Variants in GPC5 observed in about 807,000 individuals in gnomAD.
The protein encoded by GPC5 is glypican-5.
GPC5 carries 47 observed loss-of-function variants against 53.9 expected under a neutral mutation model. The ratio of observed to expected loss-of-function variants is 0.87; its 90% CI spans 0.69 to 1.11. The LOEUF is 1.11. Among genes scored for constraint, GPC5 ranks in the 50% most tolerant of loss-of-function variants. The pLI, the probability that GPC5 is intolerant of heterozygous loss-of-function variation, is 0.00. For missense variants in GPC5, 748 were observed against 713.1 expected (o/e 1.05, Z -0.56); for synonymous variants, 286 against 263.3 (o/e 1.09, Z -0.84).
chr13:92,474,603 G>A (rs1879032931), intron 7 of GPC5, among the ~76,000 whole-genome samples: 1 of 149,980 alleles, frequency 6.7e-6, no homozygotes, highest in Admixed American at 6.7e-5. Flanking sequence ...TAATTTTTCA[G>A]ACAAAGAATT....
At chr13:92,164,841 T>C (rs2042015831) in intron 7 of GPC5, among the ~76,000 whole-genome samples, 1 of 152,230 alleles carries the variant, frequency 6.6e-6, no homozygotes, top group South Asian at 2.1e-4. Context: ...GTACATCCTC[T>C]GAAATCTAGA....
intron 6 of GPC5, among the ~76,000 whole-genome samples, chr13:92,002,436 G>A (rs2138755691): frequency 6.6e-6 from 1 of 152,204 alleles, no homozygotes; most frequent in African/African-American, 2.4e-5. Flanking sequence ...TCCAAGAACT[G>A]GGCAGGAGTC....
intron 6 of GPC5, among the ~76,000 whole-genome samples, chr13:92,032,342 G>T (rs920536421): frequency 6.6e-6 from 1 of 151,230 alleles, no homozygotes; most frequent in Non-Finnish European, 1.5e-5. Flanking sequence ...AGTGTGTACT[G>T]CTTGGGTGAT....
In GPC5 at chr13:92,555,315, G is replaced by A. The variant is rs188416339; in HGVS notation, c.1562-310967G>A. ...AATAGGGTTTATCTCAGGAAAGCAA[G>A]CAATGATGGACTTTAGAAATCCTCG... On this transcript the variant is annotated intron_variant, in intron 7 of 7. Transcript: ENST00000377067. Among the ~76,000 whole-genome samples, 191 of 151,370 alleles carry A rather than the reference G, an allele frequency of 1.3e-3. 1 individual carries two copies. Among genetic ancestry groups the A allele is most frequent in the African/African-American group, 4.5e-3 (186 of 41,408 alleles).
chr13:92,228,826 G>C (rs1250081765), intron 7 of GPC5, among the ~76,000 whole-genome samples: 1 of 152,040 alleles, frequency 6.6e-6, no homozygotes, highest in East Asian at 1.9e-4. Flanking sequence ...AACCAAGCAT[G>C]GTCCCAGGAT....
At chr13:91,934,720 G>C (rs1383218919) in intron 6 of GPC5, among the ~76,000 whole-genome samples, 1 of 151,884 alleles carries the variant, frequency 6.6e-6, no homozygotes, top group Admixed American at 6.6e-5. Flanking sequence ...TCCTTTACTA[G>C]GAATAATAAA....
intron 7 of GPC5, among the ~76,000 whole-genome samples, chr13:92,713,273 T>C (rs1249548847): frequency 6.6e-6 from 1 of 151,780 alleles, no homozygotes; most frequent in African/African-American, 2.4e-5. Context: ...GAAGAAGATA[T>C]ATCAATGGCA....
intron 6 of GPC5, among the ~76,000 whole-genome samples, chr13:92,134,668 A>T (rs2041769761): frequency 6.6e-6 from 1 of 152,178 alleles, no homozygotes; most frequent in Admixed American, 6.5e-5. Flanking sequence ...TACCTGGGTC[A>T]GTTACAAGTT....
intron 6 of GPC5, among the ~76,000 whole-genome samples, chr13:92,110,337 C>T (rs1309440961): frequency 6.6e-6 from 1 of 152,088 alleles, no homozygotes; most frequent in Non-Finnish European, 1.5e-5. Context: ...AATGCAAGAC[C>T]TTATTAACTA....
At chr13:92,700,182 G>C (rs1038448150) in intron 7 of GPC5, among the ~76,000 whole-genome samples, 3 of 151,298 alleles carry the variant, frequency 2.0e-5, no homozygotes, top group African/African-American at 7.3e-5. Context: ...ATTATGTAAT[G>C]CCCTTATTTG....
intron 2 of GPC5, among the ~76,000 whole-genome samples, chr13:91,555,889 G>A (rs756323976): frequency 1.1e-4 from 16 of 151,992 alleles, no homozygotes; most frequent in South Asian, 2.1e-4. Flanking sequence ...AACCGCCCCC[G>A]TGATTCAATT....
At chr13:91,761,302 T>TTCC (rs1413927651) in intron 5 of GPC5, among the ~76,000 whole-genome samples, 1 of 152,166 alleles carries the variant, frequency 6.6e-6, no homozygotes, top group Non-Finnish European at 1.5e-5. Flanking sequence ...AACCATGTTT[T>TTCC]TCCTCTGCTT....
At chr13:92,034,912 T>C (rs2040880676) in intron 6 of GPC5, among the ~76,000 whole-genome samples, 1 of 152,182 alleles carries the variant, frequency 6.6e-6, no homozygotes. Flanking sequence ...TAAATTTTAC[T>C]TCCTCAATAA....
intron 7 of GPC5, among the ~76,000 whole-genome samples, chr13:92,385,413 T>TATATACAC (rs1566567374): frequency 2.8e-5 from 2 of 71,116 alleles, no homozygotes; most frequent in Non-Finnish European, 5.6e-5. Flanking sequence ...TATATACACA[T>TATATACAC]ATATATACAT....
chr13:92,166,789 A>G (rs991248924), intron 7 of GPC5, among the ~76,000 whole-genome samples: 1 of 152,166 alleles, frequency 6.6e-6, no homozygotes, highest in African/African-American at 2.4e-5. Context: ...AGACTGAATA[A>G]TGGTGGGAAC....
chr13:92,016,192 G>T (rs1010789985), intron 6 of GPC5, among the ~76,000 whole-genome samples: 1 of 152,232 alleles, frequency 6.6e-6, no homozygotes, highest in Non-Finnish European at 1.5e-5. Context: ...CAGACTTTTG[G>T]TGGAAAGGGT....
At chr13:92,324,775 A>G (rs1245645863) in intron 7 of GPC5, among the ~76,000 whole-genome samples, 9 of 151,808 alleles carry the variant, frequency 5.9e-5, no homozygotes, top group Non-Finnish European at 1.0e-4. Flanking sequence ...GACTTTCTCA[A>G]CATTTTTGCT....
chr13:92,671,558 G>T lies in GPC5; in HGVS notation c.1562-194724G>T, dbSNP rs182576518. Among the ~76,000 whole-genome samples, 318 of 152,270 alleles carry T rather than the reference G, an allele frequency of 2.1e-3. 1 individual carries two copies. Among genetic ancestry groups the T allele is most frequent in the African/African-American group, 7.1e-3 (295 of 41,556 alleles). On this transcript the variant is annotated intron_variant, in intron 7 of 7. Transcript: ENST00000377067. ...AGTAGGTATTTTAAAGAGGGAATAG[G>T]TTACCACATGTTAGAAGGCTCTAGA...
At chr13:92,356,392 A>C (rs559714496) in intron 7 of GPC5, among the ~76,000 whole-genome samples, 1 of 152,326 alleles carries the variant, frequency 6.6e-6, no homozygotes, top group South Asian at 2.1e-4. Flanking sequence ...GCTTTTATGC[A>C]GTGCTATTGC....
Sources: allele counts gnomAD v4.1 joint callset (sites outside exome capture counted in the v4.1 genomes callset), GRCh38; gene constraint gnomAD v4.1.1; transcripts MANE v1.5; gene names NCBI Gene and HGNC (gene_info 2026-07-23, HGNC 2026-07-21).